Variants in KMT2E observed in about 807,000 individuals in gnomAD.
KMT2E encodes lysine methyltransferase 2E (inactive).
Under a neutral mutation model 184.6 loss-of-function variants are expected in KMT2E, and 30 were observed. That is an observed-to-expected ratio of 0.16 (90% CI 0.12 to 0.22). KMT2E has a LOEUF of 0.22. KMT2E is among the 10% of genes least tolerant of loss of function. The pLI is 1.00. For missense variants in KMT2E, 2,023 were observed against 2,237.4 expected (o/e 0.90, Z 1.93); for synonymous variants, 815 against 776.5 (o/e 1.05, Z -0.82).
At chr7:105,032,260 A>G (rs1438641458) in intron 1 of KMT2E, among the ~76,000 whole-genome samples, 3 of 151,790 alleles carry the variant, frequency 2.0e-5, no homozygotes, top group Non-Finnish European at 2.9e-5. Flanking sequence ...CCTGGCCAAC[A>G]TGGTGAAATG....
chr7:105,072,191 G>A (rs750310956), intron 6 of KMT2E, among the ~76,000 whole-genome samples: 1 of 152,002 alleles, frequency 6.6e-6, no homozygotes, highest in Non-Finnish European at 1.5e-5. Flanking sequence ...GGTGGCGGGC[G>A]CCTGTCGTCC....
chr7:105,017,582 G>A (rs929012450), intron 1 of KMT2E, among the ~76,000 whole-genome samples: 1 of 151,472 alleles, frequency 6.6e-6, no homozygotes, highest in Non-Finnish European at 1.5e-5. Context: ...TTTTAAGTTA[G>A]GATTGTCTAG....
At chr7:105,089,220 A>G in intron 13 of KMT2E, 1 of 402,128 alleles carries the variant, frequency 2.5e-6, no homozygotes, top group East Asian at 9.7e-5. Context: ...TTTTTTCTGG[A>G]TGCAGTCTCA....
At chr7:105,105,802 G>A in intron 18 of KMT2E, 57 bp from the exon 19 acceptor site, 1 of 1,577,364 alleles carries the variant, frequency 6.3e-7, no homozygotes, top group Non-Finnish European at 8.6e-7. Context: ...GTATTTACAG[G>A]CTATATAAAC....
rs540944528 is a variant in KMT2E, at chr7:105,014,260, C to G, written c.-464C>G. ...CAGGGGGCCGAGTCGGAGACCGTGC[C>G]GGAGTTCGGGAGCGGCAACAGAGTG... is the stretch of plus-strand genomic sequence containing the variant. On this transcript the variant is annotated 5_prime_UTR_variant, in exon 1 of 27. Coordinates refer to ENST00000311117, the MANE Select transcript of KMT2E (RefSeq NM_182931.3). 1 of 175,322 alleles carries G rather than the reference C, an allele frequency of 5.7e-6. No homozygotes were observed. Among genetic ancestry groups the G allele is most frequent in the African/African-American group, 2.4e-5 (1 of 41,602 alleles). The allele number at this position is 175,322 out of a possible 1,614,324, so 10.9% of individuals were successfully genotyped here.
chr7:105,108,594 C>G (rs758873772), intron 22 of KMT2E: 1 of 461,514 alleles, frequency 2.2e-6, no homozygotes, highest in South Asian at 1.6e-5. Flanking sequence ...GGAAAGAGCA[C>G]GGGCTTTCAA....
intron 13 of KMT2E, chr7:105,089,310 T>C (rs767186313): frequency 5.0e-6 from 2 of 402,586 alleles, no homozygotes; most frequent in South Asian, 3.4e-5. Context: ...GCAATTCTCC[T>C]GCCTTAGCCT....
At chr7:105,091,195 G>T (rs764224197) in intron 14 of KMT2E, 21 bp from the exon 15 acceptor site, 1 of 1,097,434 alleles carries the variant, frequency 9.1e-7, no homozygotes, top group South Asian at 1.3e-5. Context: ...TTTGTATAAA[G>T]AAGTCATTTC....
chr7:105,084,501 C>G (rs916585020), intron 13 of KMT2E, among the ~76,000 whole-genome samples: 2 of 152,022 alleles, frequency 1.3e-5, no homozygotes, highest in African/African-American at 4.8e-5. Context: ...GTGGCGGGCC[C>G]CTGTAATCCC....
rs1562930260 is a variant in KMT2E, at chr7:105,105,434, T to C, written c.2197-5T>C. On this transcript the variant is annotated splice_polypyrimidine_tract_variant and splice_region_variant and intron_variant, in intron 17 of 26. Coordinates refer to ENST00000311117, the MANE Select transcript of KMT2E (RefSeq NM_182931.3). ...ATAATGATCCAATTTTTTTCTTTTC[T>C]CTAGCACTTGGTTAATGAATGGTTA... is the stretch of plus-strand genomic sequence containing the variant. 6.4e-7 allele frequency: 1 copy of C among 1,570,858 alleles called. No individual in the cohort carries two copies. The highest frequency in any genetic ancestry group is 2.2e-5 in the East Asian group (1 of 44,456).
chr7:105,084,050 C>G (rs973615319), intron 13 of KMT2E, among the ~76,000 whole-genome samples: 1 of 152,182 alleles, frequency 6.6e-6, no homozygotes, highest in Non-Finnish European at 1.5e-5. Context: ...ATTTGCAATA[C>G]AAGATAAAAA....
intron 6 of KMT2E, among the ~76,000 whole-genome samples, chr7:105,070,193 G>A (rs983278324): frequency 6.6e-6 from 1 of 151,748 alleles, no homozygotes; most frequent in Non-Finnish European, 1.5e-5. Flanking sequence ...CCCTCTCTGG[G>A]TTAAATGCCC....
chr7:105,111,028 T>G, intron 26 of KMT2E, 160 bp downstream of exon 26: 5 of 607,522 alleles, frequency 8.2e-6, no homozygotes, highest in Non-Finnish European at 2.9e-6. Context: ...TTACTACTGT[T>G]TGTTCTTCTT....
rs557700509 is a variant in KMT2E, at chr7:105,050,665, TTTTC to T, written c.71+9664_71+9667del. Among the ~76,000 whole-genome samples the T allele has an allele frequency of 6.3e-3, 934 of 147,484 alleles. 8 individuals carry two copies. Among genetic ancestry groups the T allele is most frequent in the African/African-American group, 0.014 (582 of 40,638 alleles). Reference sequence around the variant, plus strand: ...TTTCTTTTTTCTTTCTTTCTTTCTTTTTTCTTTCTTTCTTTCTTTCTTTCTCTTT... The same window carrying T: ...TTTCTTTTTTCTTTCTTTCTTTCTTTTTTCTTTCTTTCTTTCTTTCTCTTT... On this transcript the variant is annotated intron_variant, in intron 3 of 26. Transcript: ENST00000311117.
rs1490080227 is a variant in KMT2E, at chr7:105,113,430, C to T, written c.*97C>T. On this transcript the variant is annotated 3_prime_UTR_variant, in exon 27 of 27. Transcript: ENST00000311117. ...TACTTTTTAAAGCTTGTACATGAAC[C>T]TTTGTATAAAAAACACCAGTGCTCT... 3.0e-6 allele frequency: 4 copies of T among 1,320,944 alleles called. No homozygotes were observed. The East Asian group carries it at 1.0e-4, about 34-fold the overall frequency. The allele number at this position is 1,320,944 out of a possible 1,614,324, so 81.8% of individuals were successfully genotyped here.
chr7:105,091,349 C>CA, intron 15 of KMT2E, 35 bp downstream of exon 15: 1 of 1,138,464 alleles, frequency 8.8e-7, no homozygotes, highest in Non-Finnish European at 1.3e-6. Flanking sequence ...GGCTTAGTGA[C>CA]AGCTGCTCTG....
At position 105,112,926 on chromosome 7, in the gene KMT2E, TCCAGTGTTTTGG is replaced by T. The variant is rs1387263403; in HGVS notation, c.5172_5183del (p.Val1726_Ser1729del). The T allele has an allele frequency of 6.2e-7, 1 of 1,613,576 alleles. No individual in the cohort carries two copies. The highest frequency in any genetic ancestry group is 1.7e-5 in the Admixed American group (1 of 59,952). On this transcript the variant is annotated inframe_deletion, in exon 27 of 27. Coordinates refer to ENST00000311117, the MANE Select transcript of KMT2E (RefSeq NM_182931.3). ...CCCACCACCCCCTCCGCCGCCACCT[TCCAGTGTTTTGG>T]CTTCTGGGCATCATACCACATCAGC... is the stretch of plus-strand genomic sequence containing the variant.
intron 13 of KMT2E, among the ~76,000 whole-genome samples, chr7:105,085,260 A>G (rs1797919600): frequency 6.6e-6 from 1 of 152,228 alleles, no homozygotes; most frequent in South Asian, 2.1e-4. Context: ...CAATAATACA[A>G]ACACCCAGCC....
rs142599740 is a variant in KMT2E, at chr7:105,074,499, TGTAA to T, written c.557-141_557-138del. 2,757 of 517,828 alleles carry T rather than the reference TGTAA, an allele frequency of 5.3e-3. 78 individuals are homozygous for T. In the East Asian group the frequency reaches 0.059, roughly 11 times the overall value. The allele number at this position is 517,828 out of a possible 1,614,324, so 32.1% of individuals were successfully genotyped here. A position where few individuals can be genotyped will look rare whatever the true frequency, so the allele number is the denominator to read the frequency against. On this transcript the variant is annotated intron_variant, in intron 7 of 26. Coordinates refer to ENST00000311117, the MANE Select transcript of KMT2E (RefSeq NM_182931.3). The stretch of plus-strand genomic sequence containing the variant: ...CATATTTGTGCTTTGCATGTAAATG[TGTAA>T]GTGAGGTGAGTGAACAAGTTAAAAA...
Sources: allele counts gnomAD v4.1 joint callset (sites outside exome capture counted in the v4.1 genomes callset), GRCh38; gene constraint gnomAD v4.1.1; transcripts MANE v1.5; gene names NCBI Gene and HGNC (gene_info 2026-07-23, HGNC 2026-07-21).